The following CAMKMT variants were observed in gnomAD, a reference collection of about 807,000 sequenced individuals.
CAMKMT encodes CaM KMT.
CAMKMT carries 53 observed loss-of-function variants against 48.0 expected under a neutral mutation model. That is an observed-to-expected ratio of 1.10 (90% confidence interval 0.89 to 1.39). The LOEUF (loss-of-function observed/expected upper bound fraction) is 1.39, where lower values mean the gene tolerates loss of function less well. Ranked by LOEUF, CAMKMT falls within the 40% of genes most tolerant of loss-of-function variation. The probability of loss-of-function intolerance (pLI) is 0.00; values close to 1 mark genes in which losing one functional copy is unlikely to be tolerated. For missense variants in CAMKMT, 428 were observed against 402.7 expected, an observed-to-expected ratio of 1.06 and a Z score of -0.54; for synonymous variants, 165 against 152.3, an observed-to-expected ratio of 1.08 and a Z score of -0.61.
rs964944207 is a variant in CAMKMT at position 44,727,269 on chromosome 2, T to C, written c.623+11916T>C. Among the ~76,000 whole-genome samples the C allele has an allele frequency of 2.0e-4, 31 of 152,204 alleles. 1 individual carries two copies. Among genetic ancestry groups the C allele is most frequent in the Admixed American group, 3.3e-4 (5 of 15,284 alleles). ...TCCATGAGCCTGGAATGTTTTTCCA[T>C]TTATTTGTGTTGTCTTTGATTTCTT... On this transcript the variant is annotated intron_variant, in intron 7 of 10. Coordinates refer to ENST00000378494, the MANE Select transcript of CAMKMT (RefSeq NM_024766.5).
intron 3 of CAMKMT, among the ~76,000 whole-genome samples, chr2:44,671,783 T>C (rs1483169092): frequency 1.3e-5 from 2 of 152,218 alleles, no homozygotes; most frequent in Admixed American, 6.5e-5. Context: ...TATTTCTCTT[T>C]GTTTCTGGCT....
At chr2:44,411,909 A>G (rs1213189782) in intron 3 of CAMKMT, among the ~76,000 whole-genome samples, 2 of 151,690 alleles carry the variant, frequency 1.3e-5, no homozygotes, top group African/African-American at 4.8e-5. Context: ...CCAAAGTATC[A>G]TTAACATTAT....
chr2:44,631,749 TTC>T (rs1672847808), intron 3 of CAMKMT: 1 of 376,610 alleles, frequency 2.7e-6, no homozygotes, highest in Non-Finnish European at 4.7e-6. Flanking sequence ...GCTATTTGTT[TTC>T]TGTTTGTCTT....
intron 3 of CAMKMT, among the ~76,000 whole-genome samples, chr2:44,631,177 C>T (rs1269141131): frequency 6.6e-6 from 1 of 152,064 alleles, no homozygotes; most frequent in African/African-American, 2.4e-5. Flanking sequence ...TATTCTCACT[C>T]ATAGGTGGGA....
At chr2:44,551,390 A>G (rs960071511) in intron 3 of CAMKMT, among the ~76,000 whole-genome samples, 1 of 152,140 alleles carries the variant, frequency 6.6e-6, no homozygotes, top group Non-Finnish European at 1.5e-5. Flanking sequence ...TCTAAAGGGA[A>G]TTGTGCGTGT....
In CAMKMT at chr2:44,690,290, G is replaced by A. The variant is rs112336596; in HGVS notation, c.377-13993G>A. Among the ~76,000 whole-genome samples the A allele has an allele frequency of 3.5e-3, 527 of 152,262 alleles. 4 individuals carry two copies. The highest frequency in any genetic ancestry group is 0.012 in the African/African-American group (490 of 41,552). ...CTAGTCATTGGATTTAGAGTTGGAGGAGGCCTCAGAAATCAATTCAACTCT... is the reference window on the plus strand; with the variant it reads ...CTAGTCATTGGATTTAGAGTTGGAGAAGGCCTCAGAAATCAATTCAACTCT... On this transcript the variant is annotated intron_variant, in intron 3 of 10. Transcript: ENST00000378494.
intron 9 of CAMKMT, 126 bp from the exon 10 acceptor site, chr2:44,766,302 CAT>C: frequency 1.1e-6 from 1 of 940,832 alleles, no homozygotes; most frequent in Non-Finnish European, 1.6e-6. Context: ...GTCCATCCTG[CAT>C]AGACATCTCA....
intron 3 of CAMKMT, among the ~76,000 whole-genome samples, chr2:44,466,467 T>C (rs559448864): frequency 6.6e-6 from 1 of 152,198 alleles, no homozygotes; most frequent in South Asian, 2.1e-4. Flanking sequence ...AGAAAACATC[T>C]GAAGGCAAAT....
intron 3 of CAMKMT, among the ~76,000 whole-genome samples, chr2:44,459,759 C>T (rs1667755697): frequency 6.6e-6 from 1 of 152,094 alleles, no homozygotes; most frequent in African/African-American, 2.4e-5. Flanking sequence ...AGCAAAGTGC[C>T]AAAAGTTCAG....
At chr2:44,760,166 G>A (rs1039627114) in intron 9 of CAMKMT, among the ~76,000 whole-genome samples, 1 of 152,172 alleles carries the variant, frequency 6.6e-6, no homozygotes, top group Non-Finnish European at 1.5e-5. Flanking sequence ...CCAGGAAAGA[G>A]GTACCAGGAG....
At chr2:44,561,443 C>T (rs538659624) in intron 3 of CAMKMT, among the ~76,000 whole-genome samples, 309 of 152,252 alleles carry the variant, frequency 2.0e-3, no homozygotes, top group Admixed American at 4.3e-3. Flanking sequence ...ATACAGTTTA[C>T]TTATTATTCA....
At chr2:44,532,155 A>G (rs1442520947) in intron 3 of CAMKMT, among the ~76,000 whole-genome samples, 2 of 152,192 alleles carry the variant, frequency 1.3e-5, no homozygotes, top group African/African-American at 2.4e-5. Context: ...GTCGTTATTA[A>G]AATGCTACTT....
At chr2:44,500,884 G>T (rs1669975406) in intron 3 of CAMKMT, among the ~76,000 whole-genome samples, 1 of 151,826 alleles carries the variant, frequency 6.6e-6, no homozygotes, top group African/African-American at 2.4e-5. Context: ...GTTTCACCAT[G>T]TTGACCAGAC....
At chr2:44,599,425 G>C (rs1670854869) in intron 3 of CAMKMT, among the ~76,000 whole-genome samples, 1 of 152,058 alleles carries the variant, frequency 6.6e-6, no homozygotes, top group Non-Finnish European at 1.5e-5. Context: ...ACTGGTTACA[G>C]CTAATCCTTT....
chr2:44,406,949 T>G (rs1311391847), intron 3 of CAMKMT, among the ~76,000 whole-genome samples: 1 of 152,220 alleles, frequency 6.6e-6, no homozygotes, highest in Non-Finnish European at 1.5e-5. Context: ...ATAATTTCTG[T>G]CTACTTAACT....
chr2:44,508,255 T>C (rs1670360829), intron 3 of CAMKMT, among the ~76,000 whole-genome samples: 1 of 152,094 alleles, frequency 6.6e-6, no homozygotes, highest in Non-Finnish European at 1.5e-5. Flanking sequence ...CACATGAGAG[T>C]TGCCTAATTT....
chr2:44,438,035 A>T (rs906008890), intron 3 of CAMKMT, among the ~76,000 whole-genome samples: 1 of 152,064 alleles, frequency 6.6e-6, no homozygotes, highest in African/African-American at 2.4e-5. Context: ...AGCTCTTTAT[A>T]TGTATTAGTT....
chr2:44,593,763 C>CTTTTTTTTTT (rs61603790), intron 3 of CAMKMT, among the ~76,000 whole-genome samples: 1 of 122,696 alleles, frequency 8.2e-6, no homozygotes. Context: ...AGACAACTTC[C>CTTTTTTTTTT]TTTTTTTTTT....
At chr2:44,451,156 TTG>T (rs1159107895) in intron 3 of CAMKMT, among the ~76,000 whole-genome samples, 3 of 152,188 alleles carry the variant, frequency 2.0e-5, no homozygotes, top group South Asian at 4.2e-4. Flanking sequence ...TGCCAGAATC[TTG>T]TGTCTTAATT....
Sources: gnomAD v4.1 joint callset for allele counts (sites outside exome capture counted in the v4.1 genomes callset) on GRCh38, gnomAD v4.1.1 for gene constraint, MANE v1.5 for transcripts, NCBI Gene and HGNC (gene_info 2026-07-23, HGNC 2026-07-21) for gene names.